The following SDK1 variants were observed in gnomAD, a reference collection of about 807,000 sequenced individuals.
SDK1 encodes the protein protein sidekick-1.
Under a neutral mutation model 245.5 loss-of-function variants are expected in SDK1, and 157 were observed. The observed-to-expected ratio is 0.64, with a 90% CI of 0.56 to 0.73. The LOEUF is 0.73. Ranked by LOEUF, SDK1 falls within the 30% of genes least tolerant of loss-of-function variation. The pLI, the probability that SDK1 is intolerant of heterozygous loss-of-function variation, is 0.00. For synonymous variants in SDK1, 1,647 were observed against 1,278.5 expected (o/e 1.29, Z -6.15); for missense variants, 3,583 against 3,002.3 (o/e 1.19, Z -4.52).
At position 4,227,584 on chromosome 7, in the gene SDK1, T is replaced by A. The variant is rs184721316; in HGVS notation, c.5828-5671T>A. ...CTTGCATTTGCTCTGAGCTGCAGACTGACAGTCAAGCGGTTGGTTGTGTGA... is the reference window on the plus strand; with the variant it reads ...CTTGCATTTGCTCTGAGCTGCAGACAGACAGTCAAGCGGTTGGTTGTGTGA... On this transcript the variant is annotated intron_variant, in intron 40 of 44. Transcript: ENST00000404826. Among the ~76,000 whole-genome samples the A allele has an allele frequency of 1.6e-4, 25 of 152,352 alleles. No individual in the cohort carries two copies. The East Asian group carries it at 4.8e-3, about 29-fold the overall frequency.
chr7:3,560,085 A>G (rs1779701138), intron 1 of SDK1, among the ~76,000 whole-genome samples: 1 of 152,222 alleles, frequency 6.6e-6, no homozygotes, highest in Non-Finnish European at 1.5e-5. Flanking sequence ...TTATCTTAAT[A>G]ACCCATACAA....
chr7:3,336,022 G>GAACTA (rs1562422121), intron 1 of SDK1, among the ~76,000 whole-genome samples: 1 of 152,134 alleles, frequency 6.6e-6, no homozygotes, highest in Admixed American at 6.5e-5. Flanking sequence ...GTCTAGTACA[G>GAACTA]GGCACTGCAG....
At chr7:4,130,921 C>T (rs530405144) in intron 27 of SDK1, among the ~76,000 whole-genome samples, 1 of 152,026 alleles carries the variant, frequency 6.6e-6, no homozygotes, top group Non-Finnish European at 1.5e-5. Context: ...TAAATGAGCC[C>T]GAAAGTCCTC....
In SDK1 at chr7:4,088,229, T is replaced by A. The variant is rs150069431; in HGVS notation, c.3324+8645T>A. 6.7e-3 allele frequency among the ~76,000 whole-genome samples: 1,017 copies of A among 152,382 alleles called. 12 individuals carry two copies. Among genetic ancestry groups the A allele is most frequent in the African/African-American group, 0.012 (489 of 41,594 alleles). ...TCTTGTTAGTTGGTTAGTTTTACTG[T>A]AATTTTCTATAAAGAATTCATATCA... is the stretch of plus-strand genomic sequence containing the variant. On this transcript the variant is annotated intron_variant, in intron 22 of 44. Transcript: ENST00000404826.
chr7:3,883,242 T>C (rs1781250327), intron 5 of SDK1, among the ~76,000 whole-genome samples: 1 of 152,204 alleles, frequency 6.6e-6, no homozygotes, highest in Non-Finnish European at 1.5e-5. Context: ...ATTGGGGTTC[T>C]CCTAGGATTT....
chr7:4,079,543 G>C lies in SDK1; in HGVS notation c.3283G>C (p.Asp1095His). 6.2e-7 allele frequency: 1 copy of C among 1,614,210 alleles called. No homozygotes were observed. Among genetic ancestry groups the C allele is most frequent in the Non-Finnish European group, 8.5e-7 (1 of 1,180,042 alleles). Residue 1095 changes from aspartate to histidine, a missense_variant, in exon 22 of 45, where the codon GAC becomes CAC. Physicochemically the swap from Asp to His is moderately conservative, Grantham distance 81. Coordinates refer to ENST00000404826, the MANE Select transcript of SDK1 (RefSeq NM_152744.4). ...SATLQFRPGY[D>H]GKTSISRWIV... ...CACCCTTCAGTTCCGGCCAGGCTAT[G>C]ACGGGAAAACGTCCATCTCCAGGTG...
intron 1 of SDK1, among the ~76,000 whole-genome samples, chr7:3,522,058 C>T (rs1360455739): frequency 6.6e-6 from 1 of 152,016 alleles, no homozygotes; most frequent in Non-Finnish European, 1.5e-5. Flanking sequence ...ATCTTGACTT[C>T]ATAGGATTGT....
chr7:3,640,987 A>G (rs995288487), intron 3 of SDK1, among the ~76,000 whole-genome samples: 1 of 146,546 alleles, frequency 6.8e-6, no homozygotes, highest in African/African-American at 2.5e-5. Flanking sequence ...CTGCGTTTAG[A>G]TTTTTTTTTT....
intron 1 of SDK1, among the ~76,000 whole-genome samples, chr7:3,331,582 T>C (rs977328397): frequency 2.6e-5 from 4 of 152,242 alleles, no homozygotes; most frequent in Admixed American, 2.0e-4. Context: ...TTTCACTTTC[T>C]TGATGGCATT....
chr7:3,646,716 C>T (rs1782850460), intron 4 of SDK1, among the ~76,000 whole-genome samples: 1 of 145,206 alleles, frequency 6.9e-6, no homozygotes, highest in South Asian at 2.1e-4. Flanking sequence ...TTTAGAAGAC[C>T]AGCTTTCAAC....
intron 1 of SDK1, among the ~76,000 whole-genome samples, chr7:3,380,111 T>A (rs1781448748): frequency 6.6e-6 from 1 of 152,192 alleles, no homozygotes; most frequent in Non-Finnish European, 1.5e-5. Flanking sequence ...GAATTTCAAC[T>A]TTTCTATGAC....
chr7:3,917,257 A>G (rs142295453), intron 5 of SDK1, among the ~76,000 whole-genome samples: 396 of 152,260 alleles, frequency 2.6e-3, no homozygotes, highest in African/African-American at 9.0e-3. Flanking sequence ...AGGTGTCTCT[A>G]TTTCCAAGTC....
intron 2 of SDK1, among the ~76,000 whole-genome samples, chr7:3,634,676 TCC>T (rs1782399791): frequency 6.6e-6 from 1 of 152,234 alleles, no homozygotes; most frequent in South Asian, 2.1e-4. Flanking sequence ...CAATGAATAT[TCC>T]CATCTGTTAG....
At chr7:3,566,737 A>C (rs1156492583) in intron 1 of SDK1, among the ~76,000 whole-genome samples, 1 of 151,814 alleles carries the variant, frequency 6.6e-6, no homozygotes, top group Non-Finnish European at 1.5e-5. Flanking sequence ...AAAAAAAAAA[A>C]GTGATTGCAA....
chr7:3,658,468 C>T (rs920355541), intron 4 of SDK1, among the ~76,000 whole-genome samples: 3 of 151,502 alleles, frequency 2.0e-5, no homozygotes, highest in African/African-American at 4.9e-5. Context: ...TCTTTTAGTT[C>T]ATCTCATGTA....
intron 1 of SDK1, among the ~76,000 whole-genome samples, chr7:3,504,916 C>G (rs953407951): frequency 4.6e-5 from 7 of 152,064 alleles, no homozygotes; most frequent in African/African-American, 1.7e-4. Flanking sequence ...GTTATGTACC[C>G]AAGAAAAATG....
At chr7:3,387,531 A>C (rs1291294600) in intron 1 of SDK1, among the ~76,000 whole-genome samples, 1 of 152,224 alleles carries the variant, frequency 6.6e-6, no homozygotes, top group Non-Finnish European at 1.5e-5. Flanking sequence ...TGCATATGCC[A>C]ATCACAGTGG....
At chr7:3,397,200 T>C (rs1778736812) in intron 1 of SDK1, among the ~76,000 whole-genome samples, 1 of 151,962 alleles carries the variant, frequency 6.6e-6, no homozygotes, top group African/African-American at 2.4e-5. Flanking sequence ...AATTATTGCT[T>C]TATACAGTTG....
chr7:3,363,256 A>G (rs915978036), intron 1 of SDK1, among the ~76,000 whole-genome samples: 1 of 152,210 alleles, frequency 6.6e-6, no homozygotes, highest in African/African-American at 2.4e-5. Flanking sequence ...TTCATTCAGC[A>G]TAGTTCCCTG....
Sources: allele counts gnomAD v4.1 joint callset (sites outside exome capture counted in the v4.1 genomes callset), GRCh38; gene constraint gnomAD v4.1.1; transcripts MANE v1.5; gene names NCBI Gene and HGNC (gene_info 2026-07-23, HGNC 2026-07-21).